Variants in TIAM1 observed in about 807,000 individuals in gnomAD.
The protein encoded by TIAM1 is rho guanine nucleotide exchange factor TIAM1.
A neutral mutation model predicts 163.5 loss-of-function variants in TIAM1; 65 were observed. The observed-to-expected ratio is 0.40, with a 90% CI of 0.33 to 0.49. The LOEUF is 0.49. Among genes scored for constraint, TIAM1 ranks in the 20% least tolerant of loss-of-function variants. The probability of loss-of-function intolerance (pLI) is 0.77; values close to 1 mark genes in which losing one functional copy is unlikely to be tolerated. For missense variants in TIAM1, 1,789 were observed against 2,044.7 expected (o/e 0.87, Z 2.41); for synonymous variants, 833 against 810.1 (o/e 1.03, Z -0.48).
chr21:31,226,977 G>C (rs10211860), intron 6 of TIAM1, among the ~76,000 whole-genome samples: 1,235 of 116,840 alleles, frequency 0.011, 25 homozygotes, highest in African/African-American at 0.039. Context: ...TTTTTTTTGA[G>C]ACAGGGTCGT....
chr21:31,476,005 T>C (rs1461131347), intron 1 of TIAM1, among the ~76,000 whole-genome samples: 1 of 152,234 alleles, frequency 6.6e-6, no homozygotes, highest in Non-Finnish European at 1.5e-5. Context: ...TTTCCTTCTT[T>C]AGACAAATGA....
Position 31,339,351 on chromosome 21 carries a change from C to T in TIAM1, c.-297G>A, listed in dbSNP as rs2075948751. ...GATTCAGAGCATTATGCCCATGGTA[C>T]CAACCAGCCTCCTCTTCCTCCTCCT... On this transcript the variant is annotated 5_prime_UTR_variant, in exon 2 of 28. Coordinates refer to ENST00000541036, the MANE Select transcript of TIAM1 (RefSeq NM_001353694.2). 1 of 398,498 alleles carries T rather than the reference C, an allele frequency of 2.5e-6. No homozygotes were observed. Among genetic ancestry groups the T allele is most frequent in the Non-Finnish European group, 4.4e-6 (1 of 226,102 alleles). The allele number at this position is 398,498 out of a possible 1,614,324, so 24.7% of individuals were successfully genotyped here.
At chr21:31,188,510 A>G (rs2085402028) in intron 13 of TIAM1, among the ~76,000 whole-genome samples, 1 of 152,228 alleles carries the variant, frequency 6.6e-6, no homozygotes, top group Non-Finnish European at 1.5e-5. Context: ...AATAGGATTC[A>G]TCTAACTATT....
chr21:31,214,697 T>C (rs182516226), intron 9 of TIAM1, among the ~76,000 whole-genome samples: 146 of 152,358 alleles, frequency 9.6e-4, no homozygotes, highest in Non-Finnish European at 6.6e-4. Context: ...ATTTTGTGAT[T>C]ATCCCTAAAA....
chr21:31,378,817 T>C (rs1276493372), intron 2 of TIAM1, among the ~76,000 whole-genome samples: 1 of 152,188 alleles, frequency 6.6e-6, no homozygotes, highest in Non-Finnish European at 1.5e-5. Flanking sequence ...TACAGGCTTG[T>C]TTTGCTTGTC....
intron 2 of TIAM1, among the ~76,000 whole-genome samples, chr21:31,371,354 T>C (rs1464017847): frequency 6.6e-6 from 1 of 152,148 alleles, no homozygotes; most frequent in African/African-American, 2.4e-5. Flanking sequence ...GCTCATTTAG[T>C]ACCTTCCTCC....
chr21:31,194,849 G>A (rs2085768824), intron 13 of TIAM1, among the ~76,000 whole-genome samples: 1 of 152,192 alleles, frequency 6.6e-6, no homozygotes. Context: ...TTCTGCCACT[G>A]CCCAGAGGGA....
intron 5 of TIAM1, among the ~76,000 whole-genome samples, chr21:31,248,674 T>C (rs1387101202): frequency 2.0e-5 from 3 of 152,146 alleles, no homozygotes; most frequent in African/African-American, 7.2e-5. Flanking sequence ...CAAGCATTGC[T>C]AAGAAAAAGT....
At chr21:31,556,082 G>A (rs746259312) in intron 1 of TIAM1, among the ~76,000 whole-genome samples, 1 of 152,090 alleles carries the variant, frequency 6.6e-6, no homozygotes, top group South Asian at 2.1e-4. Context: ...TCCTAACCAC[G>A]TGCTCCCTTT....
Position 31,486,785 on chromosome 21 carries a change from C to A in TIAM1, c.-421-22750G>T, listed in dbSNP as rs558705795. Among the ~76,000 whole-genome samples, 7 of 152,338 alleles carry A rather than the reference C, an allele frequency of 4.6e-5. No homozygotes were observed. The East Asian group carries it at 1.2e-3, about 25-fold the overall frequency. On this transcript the variant is annotated intron_variant, in intron 1 of 28. Coordinates refer to the TIAM1 transcript ENST00000286827. ...CAGGGCAGAAGCACTTTGTGCAAAGCTGCCTCGTCCACAGCCTGAGATGTA... is the reference window on the plus strand; with the variant it reads ...CAGGGCAGAAGCACTTTGTGCAAAGATGCCTCGTCCACAGCCTGAGATGTA...
In TIAM1 at chr21:31,395,351, C is replaced by G. The variant is rs544874521; in HGVS notation, c.-368-55929G>C. On this transcript the variant is annotated intron_variant, in intron 2 of 28. Coordinates refer to the TIAM1 transcript ENST00000286827. This position sits in a 1 kb window ranked among gnomAD's most constrained non-coding sequence, Gnocchi z 7.5. ...GAGAAGTGACAAATGGCCCCACACA[C>G]AGATCACTGCTTGCCTCCAGAGAGA... 4.0e-5 allele frequency among the ~76,000 whole-genome samples: 6 copies of G among 151,278 alleles called. No individual in the cohort carries two copies. In the South Asian group the frequency reaches 1.3e-3, roughly 32 times the overall value.
chr21:31,211,981 A>G (rs531213470), intron 10 of TIAM1, among the ~76,000 whole-genome samples: 2 of 152,238 alleles, frequency 1.3e-5, no homozygotes, highest in Non-Finnish European at 2.9e-5. Context: ...TGGACTAATA[A>G]TGGTATGCAA....
intron 11 of TIAM1, among the ~76,000 whole-genome samples, chr21:31,205,571 A>AT (rs2086407544): frequency 6.6e-6 from 1 of 152,234 alleles, no homozygotes; most frequent in African/African-American, 2.4e-5. Context: ...TACAGTACTG[A>AT]AAACATTTAT....
chr21:31,242,970 T>C (rs2071276162), intron 6 of TIAM1, among the ~76,000 whole-genome samples: 1 of 150,852 alleles, frequency 6.6e-6, no homozygotes, highest in South Asian at 2.1e-4. Flanking sequence ...GTGGATTACC[T>C]GAGGTCAGGA....
intron 1 of TIAM1, among the ~76,000 whole-genome samples, chr21:31,524,355 G>T (rs2047708674): frequency 6.6e-6 from 1 of 152,106 alleles, no homozygotes; most frequent in Non-Finnish European, 1.5e-5. Context: ...GCCAGATCTT[G>T]CGAGAACTGG....
intron 2 of TIAM1, among the ~76,000 whole-genome samples, chr21:31,336,484 C>T (rs1487094405): frequency 1.4e-5 from 2 of 139,558 alleles, no homozygotes; most frequent in Non-Finnish European, 3.0e-5. Context: ...AGAATTGCCC[C>T]TTGCTTTTTT....
intron 1 of TIAM1, among the ~76,000 whole-genome samples, chr21:31,528,441 A>G (rs774374522): frequency 6.6e-6 from 1 of 151,902 alleles, no homozygotes; most frequent in African/African-American, 2.4e-5. Context: ...CTCCCTGAGC[A>G]CAAGAGATGG....
At position 31,466,735 on chromosome 21, in the gene TIAM1, C is replaced by T. The variant is rs553933135; in HGVS notation, c.-421-2700G>A. 1.1e-3 allele frequency among the ~76,000 whole-genome samples: 170 copies of T among 152,310 alleles called. 1 individual carries two copies. Among genetic ancestry groups the T allele is most frequent in the African/African-American group, 3.9e-3 (163 of 41,568 alleles). ...AGTAATACCTGACACCACATAACAC[C>T]TTCTAGTTTCTCCATTTCTTCCCGC... is the stretch of plus-strand genomic sequence containing the variant. On this transcript the variant is annotated intron_variant, in intron 1 of 28. Coordinates refer to the TIAM1 transcript ENST00000286827.
chr21:31,221,401 C>G (rs550969875), intron 8 of TIAM1, among the ~76,000 whole-genome samples: 1 of 152,210 alleles, frequency 6.6e-6, no homozygotes, highest in African/African-American at 2.4e-5. Context: ...TTTAAAACCA[C>G]TGACCAAAAC....
Sources: allele counts gnomAD v4.1 joint callset (sites outside exome capture counted in the v4.1 genomes callset), GRCh38; gene constraint gnomAD v4.1.1; non-coding constraint Gnocchi (gnomAD v3.1); transcripts MANE v1.5; gene names NCBI Gene and HGNC (gene_info 2026-07-23, HGNC 2026-07-21).